PATL2: variants seen among roughly 807,000 people sequenced by gnomAD.
The protein encoded by PATL2 is protein PAT1 homolog 2.
PATL2 carries 73 observed loss-of-function variants against 77.0 expected under a neutral mutation model. The ratio of observed to expected loss-of-function variants is 0.95; its 90% CI spans 0.78 to 1.15. The LOEUF (loss-of-function observed/expected upper bound fraction) is 1.15. PATL2 is among the 50% of genes most tolerant of loss of function. The probability of loss-of-function intolerance (pLI) is 0.00; values close to 1 mark genes in which losing one functional copy is unlikely to be tolerated. For missense variants in PATL2, 618 were observed against 655.4 expected (o/e 0.94, Z 0.62); for synonymous variants, 265 against 257.1 (o/e 1.03, Z -0.29).
chr15:44,669,451 G>A, intron 12 of PATL2, 38 bp from the exon 13 acceptor site: 1 of 1,548,922 alleles, frequency 6.5e-7, no homozygotes, highest in Non-Finnish European at 8.7e-7. Context: ...GTAAATTTGG[G>A]TAATATCTCA....
rs554800525 is a variant in PATL2 at position 44,666,723 on chromosome 15, C to T, written c.1464-182G>A. The stretch of plus-strand genomic sequence containing the variant: ...AATGCTTAGTGCTTTACACATTTCC[C>T]TTCCTATTTAATCTTAAGAACTATG... On this transcript the variant is annotated intron_variant, in intron 16 of 17. Transcript: ENST00000682850. 6.7e-6 allele frequency: 4 copies of T among 600,874 alleles called. No individual in the cohort carries two copies. In the East Asian group the frequency reaches 9.0e-5, roughly 14 times the overall value. The allele number at this position is 600,874 out of a possible 1,614,324, so 37.2% of individuals were successfully genotyped here.
chr15:44,676,096 CTTCA>C (rs2085942199), intron 4 of PATL2: 2 of 330,180 alleles, frequency 6.1e-6, no homozygotes, highest in Non-Finnish European at 1.1e-5. Context: ...TCTTCAATTC[CTTCA>C]TTAAGTTCTA....
At chr15:44,686,000 G>A (rs1376998834) in intron 3 of PATL2, among the ~76,000 whole-genome samples, 4 of 152,030 alleles carry the variant, frequency 2.6e-5, no homozygotes, top group African/African-American at 4.8e-5. Context: ...ACAGATCAAC[G>A]AGACAGAAAA....
At chr15:44,675,988 C>A in intron 4 of PATL2, 1 of 421,156 alleles carries the variant, frequency 2.4e-6, no homozygotes, top group Non-Finnish European at 4.2e-6. Context: ...TTGAGATCAG[C>A]CTGGGCAACA....
intron 3 of PATL2, among the ~76,000 whole-genome samples, chr15:44,692,109 A>G (rs1377115207): frequency 2.0e-5 from 3 of 152,208 alleles, no homozygotes; most frequent in Non-Finnish European, 2.9e-5. Context: ...TCCATGATAA[A>G]CGGTTAAATA....
At chr15:44,674,265 G>A in intron 5 of PATL2, 35 bp from the exon 6 acceptor site, 2 of 1,458,648 alleles carry the variant, frequency 1.4e-6, no homozygotes, top group East Asian at 2.5e-5. Flanking sequence ...AGGCTCAAAT[G>A]GGCCCCTGTA....
At chr15:44,675,393 A>G in intron 5 of PATL2, 93 bp downstream of exon 5, 1 of 1,371,114 alleles carries the variant, frequency 7.3e-7, no homozygotes, top group Non-Finnish European at 9.8e-7. Flanking sequence ...TGTCTTAGAA[A>G]AGGGTAGAAA....
At chr15:44,707,067 C>T (rs2086754988) in intron 3 of PATL2, among the ~76,000 whole-genome samples, 1 of 152,076 alleles carries the variant, frequency 6.6e-6, no homozygotes, top group South Asian at 2.1e-4. Context: ...TGTCTGGCTA[C>T]TGCTGATGTA....
In PATL2 at chr15:44,669,884, A is replaced by G. The variant is rs2085582423; in HGVS notation, c.779-10T>C. On this transcript the variant is annotated splice_polypyrimidine_tract_variant and intron_variant, in intron 10 of 17. Transcript: ENST00000682850. ...CCCTCGATTCGGACCACTGCATGAG[A>G]AGAGAGGCACATTTCCTTCCCCCTC... is the stretch of plus-strand genomic sequence containing the variant. 1 of 1,551,288 alleles carries G rather than the reference A, an allele frequency of 6.4e-7. No homozygotes were observed. The highest frequency in any genetic ancestry group is 1.4e-5 in the African/African-American group (1 of 72,948).
intron 3 of PATL2, among the ~76,000 whole-genome samples, chr15:44,691,623 T>G (rs1463004160): frequency 6.7e-6 from 1 of 149,582 alleles, no homozygotes; most frequent in Non-Finnish European, 1.5e-5. Context: ...ACAGCACCAC[T>G]GCACTCCAGC....
chr15:44,709,568 C>T (rs1037754548), intron 3 of PATL2, among the ~76,000 whole-genome samples: 1 of 152,022 alleles, frequency 6.6e-6, no homozygotes, highest in Non-Finnish European at 1.5e-5. Flanking sequence ...TTGTAGACTT[C>T]CCAAATTTGC....
At chr15:44,669,461 A>G in intron 12 of PATL2, 48 bp from the exon 13 acceptor site, 1 of 1,548,404 alleles carries the variant, frequency 6.5e-7, no homozygotes, top group South Asian at 1.2e-5. Context: ...GTAATATCTC[A>G]TTCTCAAAGG....
At chr15:44,701,190 TGTG>T (rs2086621684) in intron 3 of PATL2, among the ~76,000 whole-genome samples, 1 of 152,038 alleles carries the variant, frequency 6.6e-6, no homozygotes, top group African/African-American at 2.4e-5. Context: ...ATCACTTTAA[TGTG>T]TTGTTGAATT....
chr15:44,687,126 T>A (rs945783441), intron 3 of PATL2, among the ~76,000 whole-genome samples: 7 of 152,156 alleles, frequency 4.6e-5, no homozygotes. Flanking sequence ...AAGGTCAATA[T>A]CCCTGATGAA....
At chr15:44,695,779 G>C (rs1357395964) in intron 3 of PATL2, among the ~76,000 whole-genome samples, 2 of 152,180 alleles carry the variant, frequency 1.3e-5, no homozygotes, top group Non-Finnish European at 2.9e-5. Flanking sequence ...GTCTATGATG[G>C]ATCTGTGGAC....
chr15:44,666,986 T>C (rs1170825423), intron 16 of PATL2, 120 bp downstream of exon 16: 2 of 780,646 alleles, frequency 2.6e-6, no homozygotes, highest in African/African-American at 1.8e-5. Context: ...ACACTGCTAC[T>C]ACTTTCTCTA....
intron 3 of PATL2, among the ~76,000 whole-genome samples, chr15:44,706,467 C>T (rs1566872072): frequency 6.6e-6 from 1 of 152,166 alleles, no homozygotes; most frequent in Non-Finnish European, 1.5e-5. Context: ...AATATTTTAT[C>T]ACTCATTATT....
chr15:44,691,042 T>C (rs2086379541), intron 3 of PATL2, among the ~76,000 whole-genome samples: 1 of 151,374 alleles, frequency 6.6e-6, no homozygotes, highest in Non-Finnish European at 1.5e-5. Context: ...AATTTATATT[T>C]TAATTAATTA....
At chr15:44,677,255 G>A (rs2086000944) in intron 3 of PATL2, among the ~76,000 whole-genome samples, 2 of 151,860 alleles carry the variant, frequency 1.3e-5, no homozygotes. Context: ...TAGATCCTGG[G>A]GAGGATGCCT....
Sources: gnomAD v4.1 joint callset for allele counts (sites outside exome capture counted in the v4.1 genomes callset) on GRCh38, gnomAD v4.1.1 for gene constraint, MANE v1.5 for transcripts, NCBI Gene and HGNC (gene_info 2026-07-23, HGNC 2026-07-21) for gene names.